Variants in HDAC9 observed in about 807,000 individuals in gnomAD.
The protein encoded by HDAC9 is MEF-2 interacting transcription repressor (MITR) protein.
Under a neutral mutation model 139.4 loss-of-function variants are expected in HDAC9, and 41 were observed. That is an observed-to-expected ratio of 0.29 (90% confidence interval 0.23 to 0.38). The LOEUF is 0.38. Among genes scored for constraint, HDAC9 ranks in the 10% least tolerant of loss-of-function variants. The pLI, the probability that HDAC9 is intolerant of heterozygous loss-of-function variation, is 1.00. For missense variants in HDAC9, 1,147 were observed against 1,297.0 expected (o/e 0.88, Z 1.78); for synonymous variants, 517 against 476.2 (o/e 1.09, Z -1.12).
chr7:18,395,535 CA>C (rs11305774), intron 1 of HDAC9, among the ~76,000 whole-genome samples: 80,801 of 124,266 alleles, frequency 0.65, 23,556 homozygotes, highest in South Asian at 0.7. Flanking sequence ...CCTAAGGCTT[CA>C]AAAAAAAAAA....
intron 2 of HDAC9, among the ~76,000 whole-genome samples, chr7:18,499,046 G>A (rs1725030212): frequency 6.7e-6 from 1 of 150,072 alleles, no homozygotes; most frequent in Non-Finnish European, 1.5e-5. Context: ...TCTTTCCTAT[G>A]CAGACTATCA....
chr7:18,671,118 G>T (rs772567040), intron 12 of HDAC9, among the ~76,000 whole-genome samples: 5 of 151,904 alleles, frequency 3.3e-5, no homozygotes, highest in Admixed American at 6.6e-5. Context: ...AGAAAGTCCA[G>T]TTTCTAAGCC....
intron 12 of HDAC9, among the ~76,000 whole-genome samples, chr7:18,686,101 C>G (rs1185598161): frequency 6.6e-6 from 1 of 151,922 alleles, no homozygotes; most frequent in Non-Finnish European, 1.5e-5. Context: ...TGATCCATAT[C>G]CAGAAAGGTT....
chr7:18,828,509 T>G (rs182949605), intron 17 of HDAC9, among the ~76,000 whole-genome samples: 196 of 152,330 alleles, frequency 1.3e-3, no homozygotes, highest in African/African-American at 3.9e-3. Context: ...CTGGAATTCT[T>G]TATAAAATTC....
rs556754981 is a variant in HDAC9 at position 18,663,460 on chromosome 7, C to A, written c.1468-2753C>A. Among the ~76,000 whole-genome samples the A allele has an allele frequency of 7.2e-5, 11 of 152,138 alleles. No individual in the cohort carries two copies. The South Asian group carries it at 1.2e-3, about 17-fold the overall frequency. On this transcript the variant is annotated intron_variant, in intron 11 of 25. Transcript: ENST00000686413. ...GTTCCAAGTCGCGCCCTCCCTCCCC[C>A]TCACCCCCCAGTAAGCAGGGACTTC...
intron 1 of HDAC9, among the ~76,000 whole-genome samples, chr7:18,143,791 T>TAAAAAAAA (rs1399421445): frequency 9.0e-6 from 1 of 110,842 alleles, no homozygotes; most frequent in African/African-American, 3.4e-5. Flanking sequence ...AGACTCCATC[T>TAAAAAAAA]CAAAAAAAAA....
At chr7:18,091,723 G>A (rs1782162432) in intron 1 of HDAC9, among the ~76,000 whole-genome samples, 1 of 152,116 alleles carries the variant, frequency 6.6e-6, no homozygotes, top group Admixed American at 6.5e-5. Flanking sequence ...GTTGGCTAGG[G>A]CTGCAATCCC....
chr7:18,686,873 A>T (rs1486811121), intron 12 of HDAC9, among the ~76,000 whole-genome samples: 1 of 151,914 alleles, frequency 6.6e-6, no homozygotes, highest in Non-Finnish European at 1.5e-5. Context: ...TCATTTCTTT[A>T]ATTGCTTATC....
chr7:18,854,024 C>T (rs1333617604), intron 21 of HDAC9, among the ~76,000 whole-genome samples: 3 of 152,258 alleles, frequency 2.0e-5, no homozygotes, highest in African/African-American at 7.2e-5. Context: ...TAGTGACATA[C>T]TCTTAATTCC....
In HDAC9 at chr7:18,607,069, A is replaced by G. The variant is rs553898770; in HGVS notation, c.664+13040A>G. On this transcript the variant is annotated intron_variant, in intron 6 of 25. Transcript: ENST00000686413. ...AAACATAGTAGAAATTAATAATCCT[A>G]AAAATTTTTTATGAAAAAGTTAAGT... 2.6e-5 allele frequency among the ~76,000 whole-genome samples: 4 copies of G among 152,328 alleles called. No individual in the cohort carries two copies. The East Asian group carries it at 7.7e-4, about 29-fold the overall frequency.
chr7:18,425,095 C>T (rs1415006316), intron 1 of HDAC9, among the ~76,000 whole-genome samples: 1 of 151,866 alleles, frequency 6.6e-6, no homozygotes, highest in South Asian at 2.1e-4. Flanking sequence ...TGTAGTACAC[C>T]AATTTTTTTC....
At chr7:18,470,844 AAT>A (rs1794670116) in intron 1 of HDAC9, among the ~76,000 whole-genome samples, 1 of 152,116 alleles carries the variant, frequency 6.6e-6, no homozygotes. Context: ...AAGCCTTTGG[AAT>A]CTGTGTGCTT....
At chr7:18,122,013 AT>A (rs71014308) in intron 1 of HDAC9, among the ~76,000 whole-genome samples, 6,017 of 152,248 alleles carry the variant, frequency 0.04, 192 homozygotes, top group Non-Finnish European at 0.062. Flanking sequence ...GCATTCTTGT[AT>A]TTCTTCAACA....
chr7:18,349,734 A>G (rs894007798), intron 1 of HDAC9, among the ~76,000 whole-genome samples: 2 of 152,040 alleles, frequency 1.3e-5, no homozygotes, highest in African/African-American at 4.8e-5. Context: ...GTTGTGTTTT[A>G]CTTTTCACGC....
At chr7:18,980,191 A>G (rs1784809185) in intron 25 of HDAC9, among the ~76,000 whole-genome samples, 2 of 152,122 alleles carry the variant, frequency 1.3e-5, no homozygotes, top group Admixed American at 6.5e-5. Context: ...GTGAAGTCTG[A>G]CTTAGAACAT....
intron 13 of HDAC9, among the ~76,000 whole-genome samples, chr7:18,748,114 G>T (rs942128370): frequency 1.3e-4 from 20 of 152,222 alleles, no homozygotes; most frequent in African/African-American, 4.8e-4. Context: ...CCACCTCAAG[G>T]AATAGGTTTA....
chr7:18,177,311 C>G (rs35914810), intron 2 of HDAC9, among the ~76,000 whole-genome samples: 28,759 of 152,106 alleles, frequency 0.19, 2,918 homozygotes, highest in South Asian at 0.33. Flanking sequence ...TCCTGATTAG[C>G]AAGTCTGTTG....
chr7:18,743,105 G>T (rs955714811), intron 13 of HDAC9, among the ~76,000 whole-genome samples: 3 of 151,890 alleles, frequency 2.0e-5, no homozygotes, highest in African/African-American at 7.3e-5. Flanking sequence ...ATTCTTGAAT[G>T]TAGAAAAGCT....
At chr7:18,620,133 C>T (rs961333238) in intron 6 of HDAC9, among the ~76,000 whole-genome samples, 18 of 152,078 alleles carry the variant, frequency 1.2e-4, no homozygotes, top group African/African-American at 4.3e-4. Flanking sequence ...AGGATTTATT[C>T]CATGTAGTTG....
Sources: allele counts gnomAD v4.1 joint callset (sites outside exome capture counted in the v4.1 genomes callset), GRCh38; gene constraint gnomAD v4.1.1; transcripts MANE v1.5; gene names NCBI Gene and HGNC (gene_info 2026-07-23, HGNC 2026-07-21).